KIDINS220: variants seen among roughly 807,000 people sequenced by gnomAD.
KIDINS220 encodes kinase D-interacting substrate of 220 kDa.
In KIDINS220, 63 loss-of-function variants were observed where a neutral mutation model predicts 157.6. That is an observed-to-expected ratio of 0.40 (90% CI 0.33 to 0.49). The LOEUF (loss-of-function observed/expected upper bound fraction) is 0.49. Ranked by LOEUF, KIDINS220 falls within the 20% of genes least tolerant of loss-of-function variation. The probability of loss-of-function intolerance (pLI) is 0.66; values close to 1 mark genes in which losing one functional copy is unlikely to be tolerated. For missense variants in KIDINS220, 1,772 were observed against 2,171.2 expected, an observed-to-expected ratio of 0.82 and a Z score of 3.65; for synonymous variants, 732 against 783.6, an observed-to-expected ratio of 0.93 and a Z score of 1.10.
rs1558327472 is a variant in KIDINS220, at chr2:8,744,379, AAAAAAAAAAATATATATATAT to A, written c.3585+2745_3585+2765del. Among the ~76,000 whole-genome samples, 192 of 26,536 alleles carry A rather than the reference AAAAAAAAAAATATATATATAT, an allele frequency of 7.2e-3. 10 individuals are homozygous for A. Among genetic ancestry groups the A allele is most frequent in the African/African-American group, 0.019 (120 of 6,408 alleles). 17.4% of individuals were successfully genotyped at this position (26,536 alleles called of 152,430 possible). A position where few individuals can be genotyped will look rare whatever the true frequency, so the allele number is the denominator to read the frequency against. Reference sequence around the variant, plus strand: ...TCCTCATGGCAAAAAAAAAAAAAAAAAAAAAAAAAATATATATATATAATATATATATATATATATATATAT... The same window carrying A: ...TCCTCATGGCAAAAAAAAAAAAAAAAAATATATATATATATATATATATAT... On this transcript the variant is annotated intron_variant, in intron 26 of 29. Transcript: ENST00000256707.
At chr2:8,753,926 C>T (rs1464165138) in intron 22 of KIDINS220, among the ~76,000 whole-genome samples, 2 of 152,104 alleles carry the variant, frequency 1.3e-5, no homozygotes, top group African/African-American at 4.8e-5. Flanking sequence ...GACACATGCA[C>T]AAGACAGAAA....
chr2:8,798,169 G>A (rs2148310224), intron 10 of KIDINS220, 33 bp downstream of exon 10: 1 of 1,241,446 alleles, frequency 8.1e-7, no homozygotes, highest in Non-Finnish European at 1.2e-6. Context: ...TCAGCATAAG[G>A]TGCTGCTAAC....
intron 21 of KIDINS220, among the ~76,000 whole-genome samples, chr2:8,771,878 T>A (rs766844151): frequency 2.6e-5 from 4 of 152,010 alleles, no homozygotes; most frequent in Non-Finnish European, 5.9e-5. Context: ...GCTGGAGATA[T>A]ACACACAGTG....
chr2:8,805,987 C>T (rs1456016845), intron 7 of KIDINS220, among the ~76,000 whole-genome samples: 2 of 152,184 alleles, frequency 1.3e-5, no homozygotes. Flanking sequence ...TTAAGCGACA[C>T]ATAACTCTCT....
rs978092231 is a variant in KIDINS220, at chr2:8,777,350, G to A, written c.2704-458C>T. 4.6e-5 allele frequency among the ~76,000 whole-genome samples: 7 copies of A among 152,182 alleles called. No homozygotes were observed. In the South Asian group the frequency reaches 6.2e-4, roughly 14 times the overall value. ...GTCTCTCTCTGCCACCCAGGCTGGA[G>A]TACAGTAAGGCAATCATAGCTCGCT... On this transcript the variant is annotated intron_variant, in intron 20 of 29. Coordinates refer to ENST00000256707, the MANE Select transcript of KIDINS220 (RefSeq NM_020738.4).
intron 2 of KIDINS220, among the ~76,000 whole-genome samples, chr2:8,822,778 T>C (rs1678188186): frequency 6.6e-6 from 1 of 152,172 alleles, no homozygotes; most frequent in Admixed American, 6.5e-5. Flanking sequence ...TGTTTGTTCC[T>C]TTCAAAAATA....
intron 27 of KIDINS220, among the ~76,000 whole-genome samples, chr2:8,735,226 T>C (rs1361071661): frequency 6.6e-6 from 1 of 152,202 alleles, no homozygotes; most frequent in East Asian, 1.9e-4. Flanking sequence ...CACCCACTAA[T>C]TTTCCAGTCT....
intron 6 of KIDINS220, 149 bp from the exon 7 acceptor site, chr2:8,806,518 T>G (rs1349106127): frequency 5.4e-6 from 3 of 550,644 alleles, no homozygotes; most frequent in Non-Finnish European, 9.3e-6. Flanking sequence ...AGATAAATCC[T>G]ATTTCTCCCA....
chr2:8,805,836 C>A (rs745681766), intron 7 of KIDINS220, among the ~76,000 whole-genome samples: 71 of 152,298 alleles, frequency 4.7e-4, no homozygotes, highest in Non-Finnish European at 4.6e-4. Flanking sequence ...ACACACTGCA[C>A]AGGCCTAGAA....
At chr2:8,800,628 A>T in intron 8 of KIDINS220, 130 bp from the exon 9 acceptor site, 1 of 649,466 alleles carries the variant, frequency 1.5e-6, no homozygotes, top group Non-Finnish European at 2.7e-6. Flanking sequence ...ACCTCTAAAT[A>T]AGAGAAAAAT....
At chr2:8,777,201 G>A (rs1671084745) in intron 20 of KIDINS220, among the ~76,000 whole-genome samples, 1 of 152,200 alleles carries the variant, frequency 6.6e-6, no homozygotes, top group Non-Finnish European at 1.5e-5. Context: ...TAAAGAGAAT[G>A]ATATTCAAAC....
At chr2:8,831,128 A>T (rs752550807) in intron 1 of KIDINS220, among the ~76,000 whole-genome samples, 1 of 152,234 alleles carries the variant, frequency 6.6e-6, no homozygotes, top group Non-Finnish European at 1.5e-5. Context: ...CAAGGAACTT[A>T]CGCCTTCTAA....
intron 22 of KIDINS220, among the ~76,000 whole-genome samples, chr2:8,769,912 T>C (rs2196689): frequency 1 from 151,878 of 152,348 alleles, 75,707 homozygotes; most frequent in Middle Eastern, 1. Context: ...ACTACTTTCA[T>C]ATAAATTAAA....
At chr2:8,757,194 T>C in intron 22 of KIDINS220, 5 of 917,204 alleles carry the variant, frequency 5.5e-6, no homozygotes, top group Non-Finnish European at 6.5e-6. Flanking sequence ...AAAAATAGGG[T>C]TTGTTTTTTC....
At position 8,729,630 on chromosome 2, in the gene KIDINS220, T is replaced by A; in HGVS notation, c.*1090A>T. On this transcript the variant is annotated 3_prime_UTR_variant, in exon 30 of 30. Transcript: ENST00000256707. ...CCTTGCTTTGTTACATGTTTCCAAATTTTTTTTTAAAAAGTATTTCCTTTC... is the reference window on the plus strand; with the variant it reads ...CCTTGCTTTGTTACATGTTTCCAAAATTTTTTTTAAAAAGTATTTCCTTTC... 1 of 973,498 alleles carries A rather than the reference T, an allele frequency of 1.0e-6. No homozygotes were observed. 60.3% of individuals were successfully genotyped at this position (973,498 alleles called of 1,614,324 possible).
chr2:8,762,851 T>C (rs1234802877), intron 22 of KIDINS220, among the ~76,000 whole-genome samples: 2 of 152,202 alleles, frequency 1.3e-5, no homozygotes, highest in Non-Finnish European at 2.9e-5. Flanking sequence ...AACAAACAGA[T>C]GTACCAGATG....
intron 4 of KIDINS220, among the ~76,000 whole-genome samples, chr2:8,814,775 C>T (rs1231681181): frequency 6.6e-6 from 1 of 152,166 alleles, no homozygotes. Context: ...GCAGACACCA[C>T]CCTAATCAAG....
chr2:8,786,126 G>A (rs1474673487), intron 16 of KIDINS220, 80 bp downstream of exon 16: 6 of 1,576,108 alleles, frequency 3.8e-6, no homozygotes, highest in South Asian at 3.5e-5. Flanking sequence ...AATGTTCAAG[G>A]TGTGTTTTCA....
intron 18 of KIDINS220, 66 bp downstream of exon 18, chr2:8,779,608 G>A: frequency 6.6e-7 from 1 of 1,506,334 alleles, no homozygotes; most frequent in Non-Finnish European, 9.0e-7. Flanking sequence ...AGATATTTGT[G>A]AAGTCAAACA....
Sources: gnomAD v4.1 joint callset for allele counts (sites outside exome capture counted in the v4.1 genomes callset) on GRCh38, gnomAD v4.1.1 for gene constraint, MANE v1.5 for transcripts, NCBI Gene and HGNC (gene_info 2026-07-23, HGNC 2026-07-21) for gene names.